PTPRT: variants seen among roughly 807,000 people sequenced by gnomAD.
PTPRT encodes the protein receptor-type tyrosine-protein phosphatase T.
Under a neutral mutation model 176.8 loss-of-function variants are expected in PTPRT, and 56 were observed. The observed-to-expected ratio is 0.32, with a 90% CI of 0.26 to 0.40. The LOEUF (loss-of-function observed/expected upper bound fraction) is 0.40. Among genes scored for constraint, PTPRT ranks in the 10% least tolerant of loss-of-function variants. The probability of loss-of-function intolerance (pLI) is 1.00; values close to 1 mark genes in which losing one functional copy is unlikely to be tolerated. For synonymous variants in PTPRT, 783 were observed against 739.0 expected, an observed-to-expected ratio of 1.06 and a Z score of -0.96; for missense variants, 1,540 against 1,908.2, an observed-to-expected ratio of 0.81 and a Z score of 3.60.
chr20:42,624,408 A>T (rs1429841314), intron 7 of PTPRT, among the ~76,000 whole-genome samples: 1 of 152,254 alleles, frequency 6.6e-6, no homozygotes, highest in Non-Finnish European at 1.5e-5. Context: ...TATCAGGAAC[A>T]TAAGGTTAGA....
chr20:43,017,405 T>C (rs924198248), intron 1 of PTPRT, among the ~76,000 whole-genome samples: 1 of 151,864 alleles, frequency 6.6e-6, no homozygotes, highest in South Asian at 2.1e-4. Context: ...CAATCGCATC[T>C]CCCTCCCTCC....
chr20:42,285,994 C>T (rs994277023), intron 12 of PTPRT, among the ~76,000 whole-genome samples: 6 of 151,668 alleles, frequency 4.0e-5, no homozygotes, highest in Non-Finnish European at 8.9e-5. Flanking sequence ...TAATAACTAC[C>T]AAAAGTAATA....
chr20:42,977,212 T>A (rs894014645), intron 1 of PTPRT, among the ~76,000 whole-genome samples: 4 of 152,218 alleles, frequency 2.6e-5, no homozygotes, highest in Non-Finnish European at 5.9e-5. Flanking sequence ...ATGGTCTATT[T>A]GGTACCACAT....
intron 2 of PTPRT, among the ~76,000 whole-genome samples, chr20:42,877,474 C>CA (rs2078952521): frequency 6.6e-6 from 1 of 151,978 alleles, no homozygotes; most frequent in Non-Finnish European, 1.5e-5. Flanking sequence ...ACTGGACTCC[C>CA]AAAACAATAA....
rs62204937 is a variant in PTPRT at position 42,481,555 on chromosome 20, G to A, written c.1154-8993C>T. Among the ~76,000 whole-genome samples, 1,189 of 152,136 alleles carry A rather than the reference G, an allele frequency of 7.8e-3. 11 individuals carry two copies. Among genetic ancestry groups the A allele is most frequent in the Middle Eastern group, 0.014 (4 of 294 alleles). Reference sequence around the variant, plus strand: ...TATTTAGTTTGCTAATTAGCAACATGGAGGTTGTTGATCAAGATATGGTAT... The same window carrying A: ...TATTTAGTTTGCTAATTAGCAACATAGAGGTTGTTGATCAAGATATGGTAT... On this transcript the variant is annotated intron_variant, in intron 7 of 30. Transcript: ENST00000373187.
At chr20:42,986,221 G>T (rs1983569237) in intron 1 of PTPRT, among the ~76,000 whole-genome samples, 2 of 152,170 alleles carry the variant, frequency 1.3e-5, no homozygotes, top group South Asian at 4.2e-4. Context: ...AATGGGAGCG[G>T]CCTCAAGCCA....
At chr20:42,922,699 A>G (rs895869983) in intron 1 of PTPRT, among the ~76,000 whole-genome samples, 1 of 151,804 alleles carries the variant, frequency 6.6e-6, no homozygotes, top group African/African-American at 2.4e-5. Flanking sequence ...ATTGTGTTCC[A>G]TCTAGGATGA....
intron 1 of PTPRT, among the ~76,000 whole-genome samples, chr20:43,006,751 G>C (rs1320780143): frequency 6.6e-6 from 1 of 152,156 alleles, no homozygotes; most frequent in African/African-American, 2.4e-5. Flanking sequence ...ACAGGTCACC[G>C]ACCCTCCGCT....
intron 8 of PTPRT, among the ~76,000 whole-genome samples, chr20:42,458,492 AAT>A (rs2070961737): frequency 6.6e-6 from 1 of 152,144 alleles, no homozygotes; most frequent in African/African-American, 2.4e-5. Context: ...TTGATATGTT[AAT>A]ATACACAAAG....
chr20:42,910,677 G>A (rs1481140877), intron 1 of PTPRT, among the ~76,000 whole-genome samples: 1 of 152,144 alleles, frequency 6.6e-6, no homozygotes, highest in Admixed American at 6.5e-5. Flanking sequence ...GTGCCCACAA[G>A]AGCATCATAA....
intron 6 of PTPRT, among the ~76,000 whole-genome samples, chr20:42,706,574 C>T (rs1201608352): frequency 1.3e-5 from 2 of 152,106 alleles, no homozygotes; most frequent in Non-Finnish European, 2.9e-5. Context: ...CATCTCAGCA[C>T]CTGGCACATA....
At chr20:42,098,035 G>A (rs1233061411) in intron 27 of PTPRT, among the ~76,000 whole-genome samples, 5 of 152,244 alleles carry the variant, frequency 3.3e-5, no homozygotes. Context: ...AGGGGGAAGG[G>A]AGGTGAGTGT....
At chr20:42,544,932 T>C (rs913079365) in intron 7 of PTPRT, among the ~76,000 whole-genome samples, 5 of 152,198 alleles carry the variant, frequency 3.3e-5, no homozygotes, top group Non-Finnish European at 7.4e-5. Flanking sequence ...AGGCTACTGG[T>C]GTGAGCCACT....
chr20:43,052,106 T>C (rs1365156403), intron 1 of PTPRT, among the ~76,000 whole-genome samples: 1 of 152,220 alleles, frequency 6.6e-6, no homozygotes, highest in African/African-American at 2.4e-5. Context: ...AGAAGAATCC[T>C]GGGCTCTCGT....
intron 1 of PTPRT, among the ~76,000 whole-genome samples, chr20:43,125,756 T>C (rs190824748): frequency 6.6e-6 from 1 of 152,232 alleles, no homozygotes; most frequent in Non-Finnish European, 1.5e-5. Flanking sequence ...TCAAAGGGGA[T>C]TCTGAAGCCC....
chr20:43,127,394 G>T (rs1218971644), intron 1 of PTPRT, among the ~76,000 whole-genome samples: 1 of 149,326 alleles, frequency 6.7e-6, no homozygotes, highest in East Asian at 2.0e-4. Flanking sequence ...CTGCACTCCT[G>T]CCTGGGCAAC....
chr20:42,971,574 C>T (rs1302291292), intron 1 of PTPRT: 1 of 152,140 alleles, frequency 6.6e-6, no homozygotes, highest in Non-Finnish European at 1.5e-5. Flanking sequence ...CAAACTGCTC[C>T]AAACATACCA....
chr20:42,479,901 G>A (rs2071355927), intron 7 of PTPRT, among the ~76,000 whole-genome samples: 1 of 152,104 alleles, frequency 6.6e-6, no homozygotes. Flanking sequence ...GCAAGCATAG[G>A]AATCCAGGAG....
intron 6 of PTPRT, among the ~76,000 whole-genome samples, chr20:42,744,605 C>A (rs1405988513): frequency 1.3e-5 from 2 of 152,120 alleles, no homozygotes; most frequent in Non-Finnish European, 2.9e-5. Flanking sequence ...ATTGCTGTAA[C>A]AAATAAACCC....
Sources: gnomAD v4.1 joint callset for allele counts (sites outside exome capture counted in the v4.1 genomes callset) on GRCh38, gnomAD v4.1.1 for gene constraint, MANE v1.5 for transcripts, NCBI Gene and HGNC (gene_info 2026-07-23, HGNC 2026-07-21) for gene names.